ATP11C: variants seen among roughly 807,000 people sequenced by gnomAD.
ATP11C encodes the protein ATPase phospholipid transporting 11C (ATP11C blood group).
In ATP11C, 36 loss-of-function variants were observed where a neutral mutation model predicts 97.4. The ratio of observed to expected loss-of-function variants is 0.37; its 90% CI spans 0.28 to 0.49. The LOEUF is 0.49. ATP11C is among the 20% of genes least tolerant of loss of function. ATP11C has a pLI of 0.98. For synonymous variants in ATP11C, 275 were observed against 290.9 expected (o/e 0.95, Z 0.56); for missense variants, 730 against 824.6 (o/e 0.89, Z 1.40).
At chrX:139,857,825 GAATT>G (rs896679207) in intron 1 of ATP11C, among the ~76,000 whole-genome samples, 3 of 111,213 alleles carry the variant, frequency 2.7e-5, no homozygotes, top group Non-Finnish European at 5.7e-5. Flanking sequence ...CATTAAGGTA[GAATT>G]AATATACTTC....
chrX:139,828,213 C>A (rs972407150), intron 1 of ATP11C, among the ~76,000 whole-genome samples: 2 of 111,702 alleles, frequency 1.8e-5, no homozygotes, highest in African/African-American at 6.5e-5. Context: ...AAAGACAAGG[C>A]ATTAGAACAA....
chrX:139,768,407 T>C lies in ATP11C; in HGVS notation c.2244A>G (p.Gly748=). The change falls in exon 20 of 30, where the codon GGA becomes GGG. Residue 748 remains glycine (G), a synonymous_variant. Coordinates refer to ENST00000682941, the MANE Select transcript of ATP11C (RefSeq NM_001353812.2). ...ACAATGTGGAGCCATCTATGATTAA[T>C]CCATATTCCTGATGTTCTGTCCATG... The part of the protein sequence containing the change: ...KKAWTEHQEY[G]LIIDGSTLSL... 1 of 1,137,998 alleles carries C rather than the reference T, an allele frequency of 8.8e-7. No homozygotes were observed. The allele number at this position is 1,137,998 out of a possible 1,213,427, so 93.8% of individuals were successfully genotyped here. A position where few individuals can be genotyped will look rare whatever the true frequency, so the allele number is the denominator to read the frequency against.
intron 1 of ATP11C, among the ~76,000 whole-genome samples, chrX:139,927,123 G>C (rs778048741): frequency 1.8e-5 from 2 of 112,000 alleles, no homozygotes; most frequent in Admixed American, 9.5e-5. Context: ...ATGCAATGCA[G>C]TTACCATGCC....
intron 18 of ATP11C, among the ~76,000 whole-genome samples, chrX:139,781,718 A>AAAAT (rs1169952157): frequency 9.0e-6 from 1 of 111,354 alleles, no homozygotes; most frequent in Non-Finnish European, 1.9e-5. Context: ...CTCTGTCTCA[A>AAAAT]AAATAAATAA....
At chrX:139,850,036 C>A (rs1274322043) in intron 1 of ATP11C, among the ~76,000 whole-genome samples, 1 of 111,901 alleles carries the variant, frequency 8.9e-6, no homozygotes, top group Non-Finnish European at 1.9e-5. Context: ...AAATGAATTT[C>A]TTTTATTTAT....
At chrX:139,881,834 T>C (rs1168395071) in intron 1 of ATP11C, among the ~76,000 whole-genome samples, 1 of 111,832 alleles carries the variant, frequency 8.9e-6, no homozygotes, top group Non-Finnish European at 1.9e-5. Context: ...TCTCAGGAAA[T>C]ACTCAAAACA....
rs758321680 is a variant in ATP11C, at chrX:139,849,587, C to T, written c.28-22764G>A. ...GAATATACCATCTCTACTTCCTCAC[C>T]TCCTCTTCACTCTTTCAGCCCTCTC... is the stretch of plus-strand genomic sequence containing the variant. On this transcript the variant is annotated intron_variant, in intron 1 of 29. Coordinates refer to ENST00000682941, the MANE Select transcript of ATP11C (RefSeq NM_001353812.2). 2.7e-5 allele frequency among the ~76,000 whole-genome samples: 3 copies of T among 112,022 alleles called. No homozygotes were observed. The East Asian group carries it at 8.5e-4, about 32-fold the overall frequency.
At chrX:139,787,361 G>T in intron 14 of ATP11C, 117 bp from the exon 15 acceptor site, 1 of 525,096 alleles carries the variant, frequency 1.9e-6, no homozygotes, top group East Asian at 5.0e-5. Context: ...GCAGTGGCGC[G>T]ATCTCGGCTC....
At chrX:139,813,927 A>C (rs749217536) in intron 5 of ATP11C, among the ~76,000 whole-genome samples, 1 of 111,036 alleles carries the variant, frequency 9.0e-6, no homozygotes, top group African/African-American at 3.3e-5. Flanking sequence ...CCCCTAATAT[A>C]ATCTATGGAC....
chrX:139,756,279 A>G (rs898211627), intron 23 of ATP11C, among the ~76,000 whole-genome samples: 1 of 112,318 alleles, frequency 8.9e-6, no homozygotes, highest in Non-Finnish European at 1.9e-5. Flanking sequence ...ACGAGATACC[A>G]TCTCACACCA....
At chrX:139,815,426 G>A (rs2083264643) in intron 4 of ATP11C, among the ~76,000 whole-genome samples, 1 of 111,502 alleles carries the variant, frequency 9.0e-6, no homozygotes, top group South Asian at 3.8e-4. Context: ...CATCTCCAAG[G>A]GAGTATTTTA....
chrX:139,773,739 T>G (rs756395353), intron 19 of ATP11C, among the ~76,000 whole-genome samples: 38 of 112,532 alleles, frequency 3.4e-4, no homozygotes, highest in African/African-American at 1.2e-3. Flanking sequence ...CTAATCATTT[T>G]TAAAGCTTGC....
intron 10 of ATP11C, among the ~76,000 whole-genome samples, chrX:139,797,738 G>A (rs1400511330): frequency 9.0e-6 from 1 of 111,399 alleles, no homozygotes; most frequent in South Asian, 3.9e-4. Flanking sequence ...GCTCGGTGTA[G>A]GTTCTTTCAG....
At chrX:139,912,790 T>A (rs997101431) in intron 1 of ATP11C, among the ~76,000 whole-genome samples, 1 of 112,076 alleles carries the variant, frequency 8.9e-6, no homozygotes, top group Non-Finnish European at 1.9e-5. Context: ...TAATAAGTAA[T>A]ATGTCTGAAT....
At chrX:139,753,590 T>C (rs1373488890) in intron 23 of ATP11C, among the ~76,000 whole-genome samples, 2 of 111,357 alleles carry the variant, frequency 1.8e-5, no homozygotes, top group Non-Finnish European at 3.8e-5. Flanking sequence ...AGGCAGATCA[T>C]CTGAGGTCAG....
Position 139,932,118 on chromosome X carries a change from C to A in ATP11C, c.-76G>T, listed in dbSNP as rs2085447117. 1.0e-6 allele frequency: 1 copy of A among 968,143 alleles called. No individual in the cohort carries two copies. The highest frequency in any genetic ancestry group is 3.2e-5 in the South Asian group (1 of 30,783). The allele number at this position is 968,143 out of a possible 1,213,427, so 79.8% of individuals were successfully genotyped here. A position where few individuals can be genotyped will look rare whatever the true frequency, so the allele number is the denominator to read the frequency against. ...AAGGCGCCGTCCACAAAACACACTG[C>A]GGCGTGGGCCGGCGGCGCCAAGCGG... On this transcript the variant is annotated 5_prime_UTR_variant, in exon 1 of 30. Transcript: ENST00000682941.
rs758943526 is a variant in ATP11C at position 139,893,314 on chromosome X, C to T, written c.27+38702G>A. Among the ~76,000 whole-genome samples, 3 of 111,922 alleles carry T rather than the reference C, an allele frequency of 2.7e-5. No individual in the cohort carries two copies. In the South Asian group the frequency reaches 1.1e-3, roughly 42 times the overall value. ...ACCTCAAGTAATCCGCCTGCCTCAG[C>T]CTCCCAAAGTGCTGGGATTACAGGC... On this transcript the variant is annotated intron_variant, in intron 1 of 29. Coordinates refer to ENST00000682941, the MANE Select transcript of ATP11C (RefSeq NM_001353812.2).
Position 139,757,866 on chromosome X carries a change from T to C in ATP11C, c.2642A>G (p.Asn881Ser), listed in dbSNP as rs1417098205. Residue 881 changes from asparagine (N) to serine (S), a missense_variant and splice_region_variant, in exon 23 of 30, where the codon AAC becomes AGC. Transcript: ENST00000682941. ...AHLVQYFFYK[N>S]LCFILPQFLY... The stretch of plus-strand genomic sequence containing the variant: ...AAACTGTGGCAAAATGAAACAAAGG[T>C]TCTGAAAAAAAAAAATTAAGACAAG... 8.6e-7 allele frequency: 1 copy of C among 1,164,435 alleles called. No homozygotes were observed. The highest frequency in any genetic ancestry group is 2.4e-5 in the Admixed American group (1 of 41,939).
At position 139,911,610 on chromosome X, in the gene ATP11C, G is replaced by C. The variant is rs992419922; in HGVS notation, c.27+20406C>G. Among the ~76,000 whole-genome samples the C allele has an allele frequency of 5.4e-5, 6 of 111,197 alleles. No individual in the cohort carries two copies. In the Admixed American group the frequency reaches 5.8e-4, roughly 11 times the overall value. On this transcript the variant is annotated intron_variant, in intron 1 of 29. Transcript: ENST00000682941. Reference sequence around the variant, plus strand: ...CCAAGACCTATGATTACGTATGTGAGACTTCCTATACATACAGTTTTGTGT... The same window carrying C: ...CCAAGACCTATGATTACGTATGTGACACTTCCTATACATACAGTTTTGTGT...
Sources: allele counts gnomAD v4.1 joint callset (sites outside exome capture counted in the v4.1 genomes callset), GRCh38; gene constraint gnomAD v4.1.1; transcripts MANE v1.5; gene names NCBI Gene and HGNC (gene_info 2026-07-23, HGNC 2026-07-21).